TNRC6A: variants seen among roughly 807,000 people sequenced by gnomAD.
TNRC6A encodes trinucleotide repeat-containing gene 6A protein.
Under a neutral mutation model 221.2 loss-of-function variants are expected in TNRC6A, and 44 were observed. The observed-to-expected ratio is 0.20, with a 90% CI of 0.16 to 0.26. The LOEUF is 0.26. TNRC6A is among the 10% of genes least tolerant of loss of function. The pLI is 1.00. For missense variants in TNRC6A, 2,199 were observed against 2,404.4 expected (o/e 0.91, Z 1.79); for synonymous variants, 847 against 838.5 (o/e 1.01, Z -0.18).
At chr16:24,752,336 A>G (rs984986882) in intron 3 of TNRC6A, among the ~76,000 whole-genome samples, 8 of 152,204 alleles carry the variant, frequency 5.3e-5, no homozygotes, top group Non-Finnish European at 8.8e-5. Flanking sequence ...AGGAGAAATG[A>G]TAAATAATTC....
intron 2 of TNRC6A, among the ~76,000 whole-genome samples, chr16:24,675,696 C>CTA (rs2055401784): frequency 2.9e-4 from 22 of 76,076 alleles, no homozygotes; most frequent in Non-Finnish European, 3.9e-4. Context: ...CTCTCTCTCT[C>CTA]TCTCTCTATA....
intron 6 of TNRC6A, chr16:24,793,269 A>G: frequency 2.6e-6 from 1 of 380,902 alleles, no homozygotes; most frequent in Admixed American, 4.6e-5. Context: ...AGTTAAAAAA[A>G]TTCTCACCTT....
At chr16:24,644,643 A>G (rs937902465) in intron 2 of TNRC6A, among the ~76,000 whole-genome samples, 1 of 150,714 alleles carries the variant, frequency 6.6e-6, no homozygotes, top group East Asian at 1.9e-4. Flanking sequence ...TGTAGAGTCA[A>G]GGTCTCACTA....
intron 4 of TNRC6A, among the ~76,000 whole-genome samples, chr16:24,771,128 G>A (rs948648466): frequency 1.3e-5 from 2 of 152,134 alleles, no homozygotes; most frequent in South Asian, 2.1e-4. Context: ...TTTTGTTATG[G>A]AAAATAGAAC....
chr16:24,660,739 C>CTTTTTTTTTTTTTTTTTTTT lies in TNRC6A; in HGVS notation n.402+19731_402+19750dup, dbSNP rs58299677. On this transcript the variant is annotated intron_variant and non_coding_transcript_variant, in intron 2 of 2. Coordinates refer to the TNRC6A transcript ENST00000566108. Reference sequence around the variant, plus strand: ...TCTTTTTCTTTTTTCTTTTTTTTTTCTTTTTTTTTTTTTTTTTTTTGAGAC... The same window carrying CTTTTTTTTTTTTTTTTTTTT: ...TCTTTTTCTTTTTTCTTTTTTTTTTCTTTTTTTTTTTTTTTTTTTTTTTTTTTTTTTTTTTTTTTTGAGAC... Among the ~76,000 whole-genome samples, 182 of 91,300 alleles carry CTTTTTTTTTTTTTTTTTTTT rather than the reference C, an allele frequency of 2.0e-3. 2 individuals carry two copies. Among genetic ancestry groups the CTTTTTTTTTTTTTTTTTTTT allele is most frequent in the African/African-American group, 4.5e-3 (98 of 21,902 alleles). 59.9% of individuals were successfully genotyped at this position (91,300 alleles called of 152,430 possible).
intron 22 of TNRC6A, 82 bp downstream of exon 22, chr16:24,820,442 C>T (rs2058745281): frequency 1.6e-6 from 2 of 1,279,058 alleles, no homozygotes; most frequent in Admixed American, 3.8e-5. Context: ...TAACAGAGAC[C>T]TGAACGGTAA....
chr16:24,819,719 T>C (rs1039899071), intron 21 of TNRC6A: 12 of 200,390 alleles, frequency 6.0e-5, no homozygotes, highest in Non-Finnish European at 1.0e-4. Context: ...CTTTGGCAGC[T>C]CCTGAGTTGG....
intron 2 of TNRC6A, among the ~76,000 whole-genome samples, chr16:24,716,607 G>C (rs1202869508): frequency 3.3e-5 from 5 of 152,056 alleles, no homozygotes; most frequent in Non-Finnish European, 5.9e-5. Flanking sequence ...AGGTAGTCAA[G>C]GCTACCATGT....
chr16:24,762,254 C>G (rs1223544206), intron 4 of TNRC6A, among the ~76,000 whole-genome samples: 1 of 152,124 alleles, frequency 6.6e-6, no homozygotes, highest in Non-Finnish European at 1.5e-5. Flanking sequence ...TATTTTTTAT[C>G]AATTCTAGCC....
Position 24,730,301 on chromosome 16 carries a change from G to T in TNRC6A, c.53+1G>T. ...AAGACGTAGAAAGAAATCTTAGCAG[G>T]TAAGATGGGCGAGCTTTCCGTCTCC... On this transcript the variant is annotated splice_donor_variant, in intron 2 of 24. Transcript: ENST00000395799. LOFTEE classifies it high-confidence loss of function. 6.2e-7 allele frequency: 1 copy of T among 1,602,682 alleles called. No homozygotes were observed. The highest frequency in any genetic ancestry group is 8.5e-7 in the Non-Finnish European group (1 of 1,175,640).
At position 24,646,869 on chromosome 16, in the gene TNRC6A, G is replaced by A. The variant is rs578152503; in HGVS notation, n.402+5860G>A. Among the ~76,000 whole-genome samples the A allele has an allele frequency of 5.9e-5, 9 of 152,164 alleles. No homozygotes were observed. The East Asian group carries it at 1.5e-3, about 26-fold the overall frequency. Reference sequence around the variant, plus strand: ...TTTAATACGTTCTTTCATTCTATGGGCAATTGTTTGGTGGCTTAATTGCAG... The same window carrying A: ...TTTAATACGTTCTTTCATTCTATGGACAATTGTTTGGTGGCTTAATTGCAG... On this transcript the variant is annotated intron_variant and non_coding_transcript_variant, in intron 2 of 2. Coordinates refer to the TNRC6A transcript ENST00000566108.
chr16:24,621,842 T>C (rs1193797039), intron 1 of TNRC6A, among the ~76,000 whole-genome samples: 3 of 152,176 alleles, frequency 2.0e-5, no homozygotes, highest in African/African-American at 7.2e-5. Context: ...GAAGCATAAT[T>C]AGTGAACAGG....
chr16:24,815,109 A>G (rs375331438), intron 18 of TNRC6A, 38 bp from the exon 19 acceptor site: 77 of 1,596,826 alleles, frequency 4.8e-5, no homozygotes, highest in Non-Finnish European at 5.6e-5. Context: ...ATCTGTGTGT[A>G]TTTTGCTCAC....
intron 8 of TNRC6A, 49 bp from the exon 9 acceptor site, chr16:24,795,858 G>A: frequency 1.3e-6 from 2 of 1,508,274 alleles, no homozygotes; most frequent in South Asian, 1.4e-5. Flanking sequence ...CAAACCCCAT[G>A]TTCTTCCCAC....
At position 24,778,282 on chromosome 16, in the gene TNRC6A, G is replaced by T. The variant is rs2057768612; in HGVS notation, c.589+924G>T. On this transcript the variant is annotated intron_variant, in intron 5 of 24. Transcript: ENST00000395799. ...AGGTAGTTACTCACTTTCTATACCT[G>T]TGCTCTCTTTTATATACCAAGAACT... 4 of 985,066 alleles carry T rather than the reference G, an allele frequency of 4.1e-6. No homozygotes were observed. The South Asian group carries it at 1.9e-4, about 46-fold the overall frequency. The allele number at this position is 985,066 out of a possible 1,614,324, so 61.0% of individuals were successfully genotyped here.
At chr16:24,627,124 A>G (rs1004388568) in intron 1 of TNRC6A, among the ~76,000 whole-genome samples, 1 of 151,888 alleles carries the variant, frequency 6.6e-6, no homozygotes, top group Non-Finnish European at 1.5e-5. Flanking sequence ...CTTGGTAGCT[A>G]AATATTATCT....
rs563907833 is a variant in TNRC6A at position 24,777,185 on chromosome 16, G to A, written c.416G>A (p.Arg139Gln). ...LPRYPREVPP[R>Q]FRHQEHKQLL... ...CGGTATCCTCGTGAAGTACCTCCAC[G>A]ATTTCGCCACCAGGAACACAAACAG... The change falls in exon 5 of 25, where the codon CGA becomes CAA. Residue 139 changes from arginine (R) to glutamine (Q), a missense_variant. By Grantham distance (43) the Arg-to-Gln change is conservative. Around this residue, in one of 8 missense-constraint regions of TNRC6A, gnomAD observed 1,405 missense variants for 1,400.2 expected, o/e 1.00. Coordinates refer to ENST00000395799, the MANE Select transcript of TNRC6A (RefSeq NM_014494.4). 2 of 1,614,154 alleles carry A rather than the reference G, an allele frequency of 1.2e-6. No homozygotes were observed. Among genetic ancestry groups the A allele is most frequent in the South Asian group, 1.1e-5 (1 of 91,074 alleles).
intron 1 of TNRC6A, among the ~76,000 whole-genome samples, chr16:24,627,065 A>T (rs1198877170): frequency 6.6e-6 from 1 of 151,440 alleles, no homozygotes; most frequent in African/African-American, 2.4e-5. Flanking sequence ...GAGTAAATGT[A>T]TGGCCCAACC....
At chr16:24,680,178 T>C (rs1042793564) in intron 2 of TNRC6A, among the ~76,000 whole-genome samples, 2 of 151,864 alleles carry the variant, frequency 1.3e-5, no homozygotes, top group African/African-American at 4.8e-5. Context: ...CCTGTTACCC[T>C]AGCACTTTGG....
Sources: gnomAD v4.1 joint callset for allele counts (sites outside exome capture counted in the v4.1 genomes callset) on GRCh38, gnomAD v4.1.1 for gene constraint, gnomAD v4.1.1 regional missense constraint, MANE v1.5 for transcripts, NCBI Gene and HGNC (gene_info 2026-07-23, HGNC 2026-07-21) for gene names.